The following LHFPL5 variants were observed in gnomAD, a reference collection of about 807,000 sequenced individuals.
LHFPL5 encodes LHFPL tetraspan subfamily member 5.
In LHFPL5, 12 loss-of-function variants were observed where a neutral mutation model predicts 18.7. That is an observed-to-expected ratio of 0.64 (90% CI 0.41 to 1.04). LHFPL5 has a LOEUF of 1.04. LHFPL5 is among the 50% of genes least tolerant of loss of function. LHFPL5 has a pLI of 0.00. For synonymous variants in LHFPL5, 111 were observed against 120.2 expected, an observed-to-expected ratio of 0.92 and a Z score of 0.50; for missense variants, 259 against 292.1, an observed-to-expected ratio of 0.89 and a Z score of 0.83.
At chr6:35,820,288 G>A (rs1375165907) in intron 3 of LHFPL5, among the ~76,000 whole-genome samples, 1 of 152,162 alleles carries the variant, frequency 6.6e-6, no homozygotes, top group Non-Finnish European at 1.5e-5. Flanking sequence ...AAGAAAAACA[G>A]TAAGTTAACC....
chr6:35,805,774 GCTTCTCCGTA>G lies in LHFPL5; in HGVS notation c.107_116del (p.Phe36TrpfsTer46). ...GTGATGTGGGGTACCCTCACCATCTGCTTCTCCGTACTGGTCATGGCCCTCTTCATCCAGC... is the reference window on the plus strand; with the variant it reads ...GTGATGTGGGGTACCCTCACCATCTGCTGGTCATGGCCCTCTTCATCCAGC... On this transcript the variant is annotated frameshift_variant, in exon 1 of 4. Coordinates refer to ENST00000360215, the MANE Select transcript of LHFPL5 (RefSeq NM_182548.4). LOFTEE classifies it high-confidence loss of function. The surrounding 1 kb of genome is among the most constrained non-coding windows in gnomAD (Gnocchi z 4.3). The G allele has an allele frequency of 6.2e-7, 1 of 1,614,218 alleles. No individual in the cohort carries two copies. Among genetic ancestry groups the G allele is most frequent in the East Asian group, 2.2e-5 (1 of 44,874 alleles).
intron 3 of LHFPL5, among the ~76,000 whole-genome samples, chr6:35,820,544 C>CA (rs1219602257): frequency 6.6e-6 from 1 of 151,712 alleles, no homozygotes; most frequent in African/African-American, 2.4e-5. Context: ...ACTAAAAATA[C>CA]AAAAAATTAG....
intron 3 of LHFPL5, among the ~76,000 whole-genome samples, chr6:35,822,009 G>T (rs928383455): frequency 6.6e-6 from 1 of 151,092 alleles, no homozygotes; most frequent in African/African-American, 2.4e-5. Flanking sequence ...TGAATAGCTG[G>T]GACTACAGGC....
intron 2 of LHFPL5, among the ~76,000 whole-genome samples, chr6:35,818,354 T>A (rs1445118619): frequency 5.2e-4 from 5 of 9,582 alleles, no homozygotes; most frequent in African/African-American, 1.2e-3. Context: ...TATATGTATT[T>A]TTTTTTTTTT....
At chr6:35,819,500 T>A in intron 3 of LHFPL5, 37 bp downstream of exon 3, 1 of 1,600,258 alleles carries the variant, frequency 6.2e-7, no homozygotes. Context: ...TGCGTGCCCT[T>A]AGAAAGGCTG....
chr6:35,822,586 C>A (rs190343042), intron 3 of LHFPL5, among the ~76,000 whole-genome samples: 2 of 152,238 alleles, frequency 1.3e-5, no homozygotes, highest in East Asian at 3.9e-4. Context: ...CGGCTCACTG[C>A]AACCTCTGCC....
Position 35,805,375 on chromosome 6 carries a change from A to C in LHFPL5, c.-296A>C. ...CTCTCGGGAGCCGTGAGCCGGGAAG[A>C]GGGAGACGGGCAGGGCGGCGCCAGC... is the stretch of plus-strand genomic sequence containing the variant. On this transcript the variant is annotated 5_prime_UTR_variant, in exon 1 of 4. Transcript: ENST00000360215. The surrounding 1 kb of genome is among the most constrained non-coding windows in gnomAD (Gnocchi z 4.3). The C allele has an allele frequency of 2.8e-6, 1 of 356,052 alleles. No individual in the cohort carries two copies. The highest frequency in any genetic ancestry group is 4.8e-6 in the Non-Finnish European group (1 of 207,164). 22.1% of individuals were successfully genotyped at this position (356,052 alleles called of 1,614,324 possible). A position where few individuals can be genotyped will look rare whatever the true frequency, so the allele number is the denominator to read the frequency against.
At position 35,821,751 on chromosome 6, in the gene LHFPL5, G is replaced by A. The variant is rs150118619; in HGVS notation, c.*17-1231G>A. On this transcript the variant is annotated intron_variant, in intron 3 of 3. Coordinates refer to ENST00000360215, the MANE Select transcript of LHFPL5 (RefSeq NM_182548.4). Reference sequence around the variant, plus strand: ...CCGCCTCAGCCTCCAGAAGTGCTGGGATTACAGGCATGAGCCACCGTGCTC... The same window carrying A: ...CCGCCTCAGCCTCCAGAAGTGCTGGAATTACAGGCATGAGCCACCGTGCTC... 1.0e-3 allele frequency among the ~76,000 whole-genome samples: 151 copies of A among 151,670 alleles called. 2 individuals are homozygous for A. The East Asian group carries it at 0.026, about 26-fold the overall frequency.
intron 1 of LHFPL5, among the ~76,000 whole-genome samples, chr6:35,812,114 A>G (rs1009067577): frequency 3.9e-5 from 6 of 152,208 alleles, no homozygotes; most frequent in African/African-American, 1.4e-4. Context: ...CACAGTCAAG[A>G]TGGTACATGA....
chr6:35,808,545 A>T (rs1384168540), intron 1 of LHFPL5, among the ~76,000 whole-genome samples: 1 of 126,084 alleles, frequency 7.9e-6, no homozygotes, highest in South Asian at 2.6e-4. Flanking sequence ...TATATTCTTT[A>T]CTATATATTC....
Position 35,814,808 on chromosome 6 carries a change from T to TC in LHFPL5, c.649+30dup. 6.3e-7 allele frequency: 1 copy of TC among 1,597,000 alleles called. No homozygotes were observed. Among genetic ancestry groups the TC allele is most frequent in the South Asian group, 1.1e-5 (1 of 90,728 alleles). On this transcript the variant is annotated intron_variant, in intron 2 of 3. Coordinates refer to ENST00000360215, the MANE Select transcript of LHFPL5 (RefSeq NM_182548.4). This position sits in a 1 kb window ranked among gnomAD's most constrained non-coding sequence, Gnocchi z 4.2. ...GTAATCACCCAACTCCACAATGGTGTCCCCTGCCTGGAGACCCTGGGATGT... is the reference window on the plus strand; with the variant it reads ...GTAATCACCCAACTCCACAATGGTGTCCCCCTGCCTGGAGACCCTGGGATGT...
At chr6:35,809,793 C>T (rs766707999) in intron 1 of LHFPL5, among the ~76,000 whole-genome samples, 1 of 152,170 alleles carries the variant, frequency 6.6e-6, no homozygotes, top group Non-Finnish European at 1.5e-5. Flanking sequence ...CGTGAGCCAC[C>T]GCACCCGGCC....
At chr6:35,817,755 A>T (rs912300856) in intron 2 of LHFPL5, among the ~76,000 whole-genome samples, 31 of 152,246 alleles carry the variant, frequency 2.0e-4, no homozygotes, top group African/African-American at 7.0e-4. Flanking sequence ...ATTCACTACT[A>T]ATGCAAATCT....
Sources: allele counts gnomAD v4.1 joint callset (sites outside exome capture counted in the v4.1 genomes callset), GRCh38; gene constraint gnomAD v4.1.1; non-coding constraint Gnocchi (gnomAD v3.1); transcripts MANE v1.5; gene names NCBI Gene and HGNC (gene_info 2026-07-23, HGNC 2026-07-21).